Variants in C2CD3 observed in about 807,000 individuals in gnomAD.
C2CD3 encodes C2 domain containing 3 centriole elongation regulator.
Under a neutral mutation model 234.0 loss-of-function variants are expected in C2CD3, and 148 were observed. That is an observed-to-expected ratio of 0.63 (90% CI 0.55 to 0.72). The LOEUF is 0.72. Among genes scored for constraint, C2CD3 ranks in the 30% least tolerant of loss-of-function variants. The pLI is 0.00. For missense variants in C2CD3, 2,577 were observed against 2,811.5 expected, an observed-to-expected ratio of 0.92 and a Z score of 1.89; for synonymous variants, 1,000 against 1,035.4, an observed-to-expected ratio of 0.97 and a Z score of 0.66.
intron 30 of C2CD3, among the ~76,000 whole-genome samples, chr11:74,036,713 A>G (rs1952761398): frequency 6.6e-6 from 1 of 152,166 alleles, no homozygotes; most frequent in African/African-American, 2.4e-5. Context: ...CTGATTCAGA[A>G]GGATGGAGTA....
intron 25 of C2CD3, 88 bp from the exon 26 acceptor site, chr11:74,054,759 C>A: frequency 2.3e-6 from 2 of 865,204 alleles, no homozygotes. Flanking sequence ...TTGTAATTTG[C>A]AAAGCACTTT....
intron 16 of C2CD3, among the ~76,000 whole-genome samples, chr11:74,097,718 C>A (rs904849445): frequency 1.8e-4 from 27 of 152,240 alleles, no homozygotes; most frequent in African/African-American, 6.3e-4. Flanking sequence ...TCACTCTCCA[C>A]TCCCAATCTT....
At chr11:74,066,307 T>C (rs1344317352) in intron 24 of C2CD3, among the ~76,000 whole-genome samples, 4 of 111,478 alleles carry the variant, frequency 3.6e-5, no homozygotes, top group Non-Finnish European at 7.6e-5. Flanking sequence ...CTAATGTAAA[T>C]GACGAGTTAA....
At chr11:74,024,856 T>C (rs1952225820) in intron 32 of C2CD3, among the ~76,000 whole-genome samples, 1 of 152,072 alleles carries the variant, frequency 6.6e-6, no homozygotes, top group African/African-American at 2.4e-5. Flanking sequence ...CCAGGATGAC[T>C]AACCTCCCTG....
chr11:74,041,999 C>T (rs1157757781), intron 29 of C2CD3, 55 bp downstream of exon 29: 7 of 1,567,366 alleles, frequency 4.5e-6, no homozygotes, highest in Non-Finnish European at 5.3e-6. Context: ...TGCCATTTCT[C>T]ATTCACCTTG....
At chr11:74,097,403 G>A (rs1956152117) in intron 16 of C2CD3, among the ~76,000 whole-genome samples, 1 of 152,170 alleles carries the variant, frequency 6.6e-6, no homozygotes, top group African/African-American at 2.4e-5. Context: ...GACTGAACTT[G>A]AAGTTAGAAG....
intron 3 of C2CD3, among the ~76,000 whole-genome samples, chr11:74,160,635 C>T (rs377761669): frequency 1.3e-4 from 20 of 152,022 alleles, no homozygotes; most frequent in Non-Finnish European, 2.8e-4. Flanking sequence ...TGGGTACTAT[C>T]GTACCGTTAG....
chr11:74,084,798 C>T, intron 22 of C2CD3, 83 bp downstream of exon 22: 1 of 825,710 alleles, frequency 1.2e-6, no homozygotes, highest in East Asian at 2.5e-5. Context: ...GAATATCTTA[C>T]ATGAGAGACA....
chr11:74,164,161 T>C, intron 2 of C2CD3: 1 of 972,730 alleles, frequency 1.0e-6, no homozygotes, highest in South Asian at 4.8e-5. Context: ...CCTTTATACT[T>C]CACTTGTTGT....
intron 24 of C2CD3, 81 bp from the exon 25 acceptor site, chr11:74,057,625 C>A: frequency 7.0e-7 from 1 of 1,421,438 alleles, no homozygotes; most frequent in Non-Finnish European, 9.8e-7. Context: ...CAGGACTATT[C>A]CTGGCCCTCT....
chr11:74,083,526 T>C (rs1955491729), intron 22 of C2CD3, among the ~76,000 whole-genome samples: 1 of 151,980 alleles, frequency 6.6e-6, no homozygotes, highest in South Asian at 2.1e-4. Context: ...TGGAAGAAAA[T>C]TTTTGCAATC....
chr11:74,070,822 C>G (rs1196609569), intron 24 of C2CD3: 1 of 152,026 alleles, frequency 6.6e-6, no homozygotes, highest in Non-Finnish European at 1.5e-5. Context: ...CTTTTTTTGG[C>G]CAATGTCCCA....
intron 22 of C2CD3, among the ~76,000 whole-genome samples, chr11:74,082,274 C>T (rs1955414467): frequency 6.6e-6 from 1 of 152,050 alleles, no homozygotes; most frequent in African/African-American, 2.4e-5. Context: ...TGCTACCACG[C>T]CCAGCTAATT....
At chr11:74,062,537 C>T (rs1426624709) in intron 24 of C2CD3, among the ~76,000 whole-genome samples, 2 of 152,086 alleles carry the variant, frequency 1.3e-5, no homozygotes, top group Admixed American at 6.6e-5. Context: ...GGGTACATAA[C>T]GAAATGAAGG....
Position 74,054,129 on chromosome 11 carries a change from G to A in C2CD3, c.5155+478C>T, listed in dbSNP as rs565053205. On this transcript the variant is annotated intron_variant, in intron 26 of 32. Coordinates refer to ENST00000334126, the MANE Select transcript of C2CD3 (RefSeq NM_001286577.2). ...CTACTAAAAATATAAAAAATTAGCCGGGCGTGGTGGCAGGCGCCTGTAGTC... is the reference window on the plus strand; with the variant it reads ...CTACTAAAAATATAAAAAATTAGCCAGGCGTGGTGGCAGGCGCCTGTAGTC... Among the ~76,000 whole-genome samples the A allele has an allele frequency of 8.6e-5, 13 of 151,788 alleles. No homozygotes were observed. In the East Asian group the frequency reaches 1.2e-3, roughly 14 times the overall value.
chr11:74,018,340 A>G (rs962795269), intron 32 of C2CD3, among the ~76,000 whole-genome samples: 2 of 152,068 alleles, frequency 1.3e-5, no homozygotes, highest in Non-Finnish European at 2.9e-5. Flanking sequence ...GGGGTACAGG[A>G]TCTCCTGTAC....
At chr11:74,097,925 A>C in intron 16 of C2CD3, 84 bp downstream of exon 16, 1 of 1,367,292 alleles carries the variant, frequency 7.3e-7, no homozygotes, top group Non-Finnish European at 1.0e-6. Context: ...TCATTACAGA[A>C]ATAAAGGATT....
chr11:74,105,127 C>A (rs1344177936), intron 13 of C2CD3, among the ~76,000 whole-genome samples: 1 of 152,152 alleles, frequency 6.6e-6, no homozygotes, highest in African/African-American at 2.4e-5. Flanking sequence ...ACCTTACTGA[C>A]TCTTTACGTA....
intron 28 of C2CD3, among the ~76,000 whole-genome samples, chr11:74,046,162 T>C (rs1174960787): frequency 1.3e-5 from 2 of 152,092 alleles, no homozygotes; most frequent in South Asian, 2.1e-4. Flanking sequence ...AAATAAACCA[T>C]TACCATGAAA....
Sources: allele counts gnomAD v4.1 joint callset (sites outside exome capture counted in the v4.1 genomes callset), GRCh38; gene constraint gnomAD v4.1.1; transcripts MANE v1.5; gene names NCBI Gene and HGNC (gene_info 2026-07-23, HGNC 2026-07-21).